The following DCAF6 variants were observed in gnomAD, a reference collection of about 807,000 sequenced individuals.
The protein encoded by DCAF6 is DDB1- and CUL4-associated factor 6.
DCAF6 carries 54 observed loss-of-function variants against 125.1 expected under a neutral mutation model. That is an observed-to-expected ratio of 0.43 (90% CI 0.35 to 0.54). The LOEUF is 0.54. Ranked by LOEUF, DCAF6 falls within the 20% of genes least tolerant of loss-of-function variation. The probability of loss-of-function intolerance (pLI) is 0.01; values close to 1 mark genes in which losing one functional copy is unlikely to be tolerated. For synonymous variants in DCAF6, 371 were observed against 390.4 expected, an observed-to-expected ratio of 0.95 and a Z score of 0.58; for missense variants, 934 against 1,161.7, an observed-to-expected ratio of 0.80 and a Z score of 2.85.
chr1:167,866,232 G>A, the DCAF6 span, among the ~76,000 whole-genome samples: 1 of 152,170 alleles, frequency 6.6e-6, no homozygotes, highest in African/African-American at 2.4e-5. Context: ...CAACAAGAGG[G>A]AGGAAAAATA....
At chr1:167,898,399 G>C in the DCAF6 span, among the ~76,000 whole-genome samples, 1 of 151,944 alleles carries the variant, frequency 6.6e-6, no homozygotes, top group Admixed American at 6.6e-5. Context: ...AGGAGTTCAA[G>C]ACCAGCCTGG....
chr1:167,976,314 C>G (rs1678148715), intron 4 of DCAF6, among the ~76,000 whole-genome samples: 1 of 151,950 alleles, frequency 6.6e-6, no homozygotes, highest in Admixed American at 6.6e-5. Flanking sequence ...ACTAAAAATA[C>G]AGGAATCAGC....
At chr1:167,880,198 C>G in the DCAF6 span, 75 of 1,610,238 alleles carry the variant, frequency 4.7e-5, no homozygotes, top group East Asian at 4.5e-5. Flanking sequence ...AGTTCTGGTG[C>G]AGGGGAGACA....
At chr1:167,951,904 A>G (rs1273571920) in intron 2 of DCAF6, 43 bp downstream of exon 2, 4 of 1,265,894 alleles carry the variant, frequency 3.2e-6, no homozygotes, top group Non-Finnish European at 4.5e-6. Flanking sequence ...ATTTGATACT[A>G]AGTGTTTAAG....
At chr1:167,864,319 G>C in the DCAF6 span, among the ~76,000 whole-genome samples, 1 of 152,176 alleles carries the variant, frequency 6.6e-6, no homozygotes, top group Non-Finnish European at 1.5e-5. Context: ...AAGGATTTAA[G>C]GGAGATTACG....
At chr1:168,056,833 C>T (rs990379873) in intron 17 of DCAF6, among the ~76,000 whole-genome samples, 7 of 152,360 alleles carry the variant, frequency 4.6e-5, no homozygotes, top group Non-Finnish European at 7.3e-5. Context: ...ATTATTCTAA[C>T]TACATTCTAG....
chr1:168,049,781 A>G (rs1689655070), intron 16 of DCAF6, among the ~76,000 whole-genome samples: 1 of 144,514 alleles, frequency 6.9e-6, no homozygotes. Context: ...TCAGCCTCCC[A>G]AGTAGCTGGG....
intron 10 of DCAF6, among the ~76,000 whole-genome samples, chr1:168,008,422 C>G (rs1683668541): frequency 6.6e-6 from 1 of 152,116 alleles, no homozygotes; most frequent in Admixed American, 6.5e-5. Flanking sequence ...AAGTCCCATG[C>G]CAGCTCATCA....
At chr1:168,042,830 T>C (rs530815155) in intron 13 of DCAF6, 195 bp from the exon 14 acceptor site, 45 of 454,736 alleles carry the variant, frequency 9.9e-5, no homozygotes, top group Non-Finnish European at 1.6e-4. Context: ...TTGAATTTTT[T>C]TTCAAGAGTA....
At chr1:167,942,218 C>T (rs1672356923) in intron 1 of DCAF6, among the ~76,000 whole-genome samples, 2 of 150,954 alleles carry the variant, frequency 1.3e-5, no homozygotes, top group Non-Finnish European at 3.0e-5. Context: ...GCATGCGCCA[C>T]CATGCCCAGC....
intron 1 of DCAF6, among the ~76,000 whole-genome samples, chr1:167,940,576 A>G (rs1286240124): frequency 6.6e-6 from 1 of 151,944 alleles, no homozygotes. Flanking sequence ...TAAATGTAAT[A>G]GTTTCTCAAA....
chr1:167,980,070 A>G (rs189955806), intron 4 of DCAF6, among the ~76,000 whole-genome samples: 12 of 152,120 alleles, frequency 7.9e-5, no homozygotes, highest in Non-Finnish European at 1.6e-4. Context: ...AGTCCCAGTT[A>G]CTTGGGAGGC....
At chr1:167,902,257 T>C in the DCAF6 span, among the ~76,000 whole-genome samples, 1 of 152,256 alleles carries the variant, frequency 6.6e-6, no homozygotes, top group African/African-American at 2.4e-5. Context: ...GTGGAACCAG[T>C]TTACATCTAT....
chr1:168,001,588 G>A (rs1399099612), intron 7 of DCAF6, among the ~76,000 whole-genome samples: 1 of 152,146 alleles, frequency 6.6e-6, no homozygotes, highest in Non-Finnish European at 1.5e-5. Context: ...TAAAGTGATA[G>A]CAAGAGAAAG....
chr1:167,975,156 T>G (rs1218396133), intron 4 of DCAF6, 141 bp downstream of exon 4: 4 of 469,090 alleles, frequency 8.5e-6, no homozygotes, highest in Non-Finnish European at 1.5e-5. Context: ...TGACAATATC[T>G]AGGTGTCAGC....
intron 12 of DCAF6, among the ~76,000 whole-genome samples, chr1:168,037,862 C>G (rs929279692): frequency 6.6e-6 from 1 of 152,116 alleles, no homozygotes; most frequent in Non-Finnish European, 1.5e-5. Context: ...GTGATTCCTC[C>G]CTAAATTATA....
the DCAF6 span, among the ~76,000 whole-genome samples, chr1:167,906,584 G>A: frequency 9.4e-5 from 14 of 148,448 alleles, no homozygotes; most frequent in African/African-American, 2.7e-4. Flanking sequence ...GCCCGAGTTC[G>A]AGACCAGCTT....
intron 4 of DCAF6, among the ~76,000 whole-genome samples, chr1:167,981,761 C>T (rs1679196897): frequency 6.6e-6 from 1 of 152,186 alleles, no homozygotes; most frequent in Admixed American, 6.5e-5. Flanking sequence ...ACCACATTTG[C>T]TTCATTCAGT....
At chr1:167,920,879 T>C in the DCAF6 span, among the ~76,000 whole-genome samples, 1 of 152,212 alleles carries the variant, frequency 6.6e-6, no homozygotes, top group Non-Finnish European at 1.5e-5. Flanking sequence ...CAGTAGTACA[T>C]ATATAGATAA....
Sources: gnomAD v4.1 joint callset for allele counts (sites outside exome capture counted in the v4.1 genomes callset) on GRCh38, gnomAD v4.1.1 for gene constraint, MANE v1.5 for transcripts, NCBI Gene and HGNC (gene_info 2026-07-23, HGNC 2026-07-21) for gene names.